EIPR1: variants seen among roughly 807,000 people sequenced by gnomAD.
The protein encoded by EIPR1 is EARP and GARP complex-interacting protein 1.
In EIPR1, 25 loss-of-function variants were observed where a neutral mutation model predicts 48.1. The observed-to-expected ratio is 0.52, with a 90% CI of 0.38 to 0.73. The LOEUF is 0.73. Among genes scored for constraint, EIPR1 ranks in the 30% least tolerant of loss-of-function variants. EIPR1 has a pLI of 0.00. For synonymous variants in EIPR1, 204 were observed against 201.9 expected (o/e 1.01, Z -0.09); for missense variants, 415 against 506.2 (o/e 0.82, Z 1.73).
chr2:3,247,646 G>A (rs114479431), intron 4 of EIPR1, among the ~76,000 whole-genome samples: 1,548 of 152,254 alleles, frequency 0.01, 9 homozygotes, highest in Non-Finnish European at 0.017. Flanking sequence ...GATGTGGTGG[G>A]TCCACAGTCA....
Position 3,189,621 on chromosome 2 carries a change from C to T in EIPR1, c.990-113G>A. 9.8e-7 allele frequency: 1 copy of T among 1,020,100 alleles called. No homozygotes were observed. The highest frequency in any genetic ancestry group is 1.3e-6 in the Non-Finnish European group (1 of 742,742). 63.2% of individuals were successfully genotyped at this position (1,020,100 alleles called of 1,614,324 possible). ...GGAGACACGGGAGGTACTGGGGCCT[C>T]AGCTTTCTCCGCTGTGGGATGGGAA... On this transcript the variant is annotated intron_variant, in intron 8 of 8. Coordinates refer to ENST00000382125, the MANE Select transcript of EIPR1 (RefSeq NM_003310.5). This position sits in a 1 kb window ranked among gnomAD's most constrained non-coding sequence, Gnocchi z 4.6.
rs61121589 is a variant in EIPR1 at position 3,201,326 on chromosome 2, A to G, written c.517-4309T>C. On this transcript the variant is annotated intron_variant, in intron 5 of 8. Transcript: ENST00000382125. ...CAGCCGGGCCAGGCACTCGCCAGGA[A>G]CAATCAACCATGGCGGAGGGGGGAT... Among the ~76,000 whole-genome samples, 1,139 of 152,346 alleles carry G rather than the reference A, an allele frequency of 7.5e-3. 13 individuals carry two copies. The highest frequency in any genetic ancestry group is 0.026 in the African/African-American group (1,100 of 41,588).
chr2:3,310,477 C>A (rs1669092634), intron 3 of EIPR1, among the ~76,000 whole-genome samples: 1 of 139,496 alleles, frequency 7.2e-6, no homozygotes, highest in Non-Finnish European at 1.5e-5. Context: ...AACGGTGAAA[C>A]CCCGTCTCTA....
intron 5 of EIPR1, among the ~76,000 whole-genome samples, chr2:3,199,303 A>G (rs1664929117): frequency 6.6e-6 from 1 of 152,164 alleles, no homozygotes; most frequent in South Asian, 2.1e-4. Context: ...TGCTTTACGA[A>G]CAATGTGTGC....
intron 4 of EIPR1, among the ~76,000 whole-genome samples, chr2:3,216,107 G>A (rs868159115): frequency 4.6e-5 from 7 of 152,212 alleles, no homozygotes; most frequent in Non-Finnish European, 8.8e-5. Flanking sequence ...CCCAGTTACT[G>A]CAGGTAAACA....
intron 5 of EIPR1, among the ~76,000 whole-genome samples, chr2:3,211,608 A>G (rs550599589): frequency 6.6e-6 from 1 of 152,270 alleles, no homozygotes; most frequent in South Asian, 2.1e-4. Flanking sequence ...CTGATTAGAA[A>G]CTTTCCAATG....
intron 1 of EIPR1, among the ~76,000 whole-genome samples, chr2:3,355,354 A>G (rs1453073118): frequency 2.0e-5 from 3 of 152,190 alleles, no homozygotes; most frequent in Non-Finnish European, 4.4e-5. Flanking sequence ...GAATCAGACC[A>G]ACCTGCACAG....
chr2:3,363,694 A>T (rs1469828812), intron 1 of EIPR1, among the ~76,000 whole-genome samples: 1 of 152,116 alleles, frequency 6.6e-6, no homozygotes, highest in Non-Finnish European at 1.5e-5. Flanking sequence ...CAAAAACATA[A>T]ATATATAAGA....
At chr2:3,263,666 C>T (rs1454509007) in intron 3 of EIPR1, among the ~76,000 whole-genome samples, 1 of 152,112 alleles carries the variant, frequency 6.6e-6, no homozygotes, top group East Asian at 1.9e-4. Context: ...TGGCACGGTG[C>T]GGCCAGCGCC....
At chr2:3,347,334 C>T (rs755959230) in intron 2 of EIPR1, among the ~76,000 whole-genome samples, 9 of 152,180 alleles carry the variant, frequency 5.9e-5, no homozygotes, top group East Asian at 3.9e-4. Context: ...TGTTGTGGGA[C>T]GAACCTGGTG....
intron 1 of EIPR1, among the ~76,000 whole-genome samples, chr2:3,371,157 G>C (rs1021856900): frequency 1.3e-5 from 2 of 152,146 alleles, no homozygotes; most frequent in Admixed American, 6.5e-5. Flanking sequence ...AAGTGAAGGA[G>C]AAATAAAATA....
At chr2:3,376,563 T>A (rs907513926) in intron 1 of EIPR1, among the ~76,000 whole-genome samples, 4 of 151,784 alleles carry the variant, frequency 2.6e-5, no homozygotes, top group African/African-American at 9.7e-5. Flanking sequence ...TGGTGGCGGG[T>A]GCCTGTAATC....
At chr2:3,268,989 C>T (rs1667582720) in intron 3 of EIPR1, among the ~76,000 whole-genome samples, 1 of 152,182 alleles carries the variant, frequency 6.6e-6, no homozygotes, top group Non-Finnish European at 1.5e-5. Flanking sequence ...TCTGGGAGGC[C>T]CACGGGAGAA....
At chr2:3,250,949 T>C (rs887088710) in intron 4 of EIPR1, among the ~76,000 whole-genome samples, 1 of 152,244 alleles carries the variant, frequency 6.6e-6, no homozygotes, top group African/African-American at 2.4e-5. Flanking sequence ...CTCTTTTTTT[T>C]TTTAATAAAT....
At position 3,189,727 on chromosome 2, in the gene EIPR1, G is replaced by C. The variant is rs1379240948; in HGVS notation, c.990-219C>G. 6.6e-6 allele frequency among the ~76,000 whole-genome samples: 1 copy of C among 152,164 alleles called. No individual in the cohort carries two copies. Among genetic ancestry groups the C allele is most frequent in the Non-Finnish European group, 1.5e-5 (1 of 68,024 alleles). The stretch of plus-strand genomic sequence containing the variant: ...ACCCTCACTGTCACTGTGAGGAGTG[G>C]GCATTTCTCAAAAGGTTTATGGAAA... On this transcript the variant is annotated intron_variant, in intron 8 of 8. Transcript: ENST00000382125. This position sits in a 1 kb window ranked among gnomAD's most constrained non-coding sequence, Gnocchi z 4.6.
intron 4 of EIPR1, among the ~76,000 whole-genome samples, chr2:3,231,118 G>A (rs902692860): frequency 6.6e-6 from 1 of 152,158 alleles, no homozygotes; most frequent in African/African-American, 2.4e-5. Context: ...TGTTGTAAAT[G>A]GAACTGTTTT....
Position 3,377,650 on chromosome 2 carries a change from G to C in EIPR1, c.40C>G (p.Gln14Glu), listed in dbSNP as rs1162978986. 1.3e-6 allele frequency: 2 copies of C among 1,575,796 alleles called. No homozygotes were observed. The highest frequency in any genetic ancestry group is 1.7e-6 in the Non-Finnish European group (2 of 1,160,198). The change falls in exon 1 of 9, where the codon CAG (glutamine) becomes GAG (glutamate). Residue 14 changes from glutamine (Q) to glutamate (E), a missense_variant and splice_region_variant. By Grantham distance (29) the Gln-to-Glu change is conservative (BLOSUM62 2). Coordinates refer to ENST00000382125, the MANE Select transcript of EIPR1 (RefSeq NM_003310.5). ...DAPVIYGLEF[Q>E]ARALTPQTAE... ...CTGCCGCCCTCCCAGTGACCCACCT[G>C]GAACTCCAGCCCGTAGATCACTGGT... is the stretch of plus-strand genomic sequence containing the variant.
rs1177921094 is a variant in EIPR1, at chr2:3,312,850, C to T, written c.259+25167G>A. ...CTGGAATGGATGCTACCTAACAAAG[C>T]CTCATATGGAGGTACACCCACTGAT... On this transcript the variant is annotated intron_variant, in intron 3 of 8. Transcript: ENST00000382125. The surrounding 1 kb of genome is among the most constrained non-coding windows in gnomAD (Gnocchi z 5.5). 1.3e-5 allele frequency among the ~76,000 whole-genome samples: 2 copies of T among 152,138 alleles called. No homozygotes were observed. The highest frequency in any genetic ancestry group is 2.4e-5 in the African/African-American group (1 of 41,420).
chr2:3,341,855 G>A (rs373142099), intron 2 of EIPR1, among the ~76,000 whole-genome samples: 17 of 152,068 alleles, frequency 1.1e-4, no homozygotes, highest in African/African-American at 2.9e-4. Context: ...AGGCAGAAAC[G>A]CATTAGAATA....
Sources: allele counts gnomAD v4.1 joint callset (sites outside exome capture counted in the v4.1 genomes callset), GRCh38; gene constraint gnomAD v4.1.1; non-coding constraint Gnocchi (gnomAD v3.1); transcripts MANE v1.5; gene names NCBI Gene and HGNC (gene_info 2026-07-23, HGNC 2026-07-21).